CACNA2D2: variants seen among roughly 807,000 people sequenced by gnomAD.
CACNA2D2 encodes the protein voltage-dependent calcium channel subunit alpha-2/delta-2.
A neutral mutation model predicts 166.4 loss-of-function variants in CACNA2D2; 48 were observed. The observed-to-expected ratio is 0.29, with a 90% CI of 0.23 to 0.37. The LOEUF is 0.37. Among genes scored for constraint, CACNA2D2 ranks in the 10% least tolerant of loss-of-function variants. The probability of loss-of-function intolerance (pLI) is 1.00; values close to 1 mark genes in which losing one functional copy is unlikely to be tolerated. For missense variants in CACNA2D2, 1,122 were observed against 1,433.0 expected (o/e 0.78, Z 3.50); for synonymous variants, 561 against 573.7 (o/e 0.98, Z 0.32).
In CACNA2D2 at chr3:50,365,492, C is replaced by G. The variant is rs1704204472; in HGVS notation, c.2972-10G>C. The stretch of plus-strand genomic sequence containing the variant: ...TCGGCCTCCGCGGGGTCTGCGAGGG[C>G]CCAGAGCGCCTCAGCTCCGCCCACA... On this transcript the variant is annotated splice_polypyrimidine_tract_variant and intron_variant, in intron 34 of 37. Transcript: ENST00000424201. The surrounding 1 kb of genome is among the most constrained non-coding windows in gnomAD (Gnocchi z 4.5). 6.2e-7 allele frequency: 1 copy of G among 1,612,640 alleles called. No homozygotes were observed.
intron 3 of CACNA2D2, among the ~76,000 whole-genome samples, chr3:50,423,976 G>A (rs1232720940): frequency 1.3e-5 from 2 of 152,230 alleles, no homozygotes; most frequent in Admixed American, 1.3e-4. Context: ...CCTGCCCCAC[G>A]CAATACCCCC....
intron 3 of CACNA2D2, among the ~76,000 whole-genome samples, chr3:50,417,088 G>A (rs139770410): frequency 1.9e-4 from 29 of 152,286 alleles, no homozygotes; most frequent in Non-Finnish European, 3.5e-4. Flanking sequence ...CCTGAAGCAT[G>A]CCCACATGAG....
intron 2 of CACNA2D2, among the ~76,000 whole-genome samples, chr3:50,468,559 A>G (rs1709933070): frequency 6.6e-6 from 1 of 152,296 alleles, no homozygotes; most frequent in East Asian, 1.9e-4. Flanking sequence ...AAAATCTTCC[A>G]GGCAGAGCAG....
In CACNA2D2 at chr3:50,380,115, G is replaced by A; in HGVS notation, c.843-97C>T. 2 of 1,273,582 alleles carry A rather than the reference G, an allele frequency of 1.6e-6. No homozygotes were observed. Among genetic ancestry groups the A allele is most frequent in the Admixed American group, 1.8e-5 (1 of 55,430 alleles). The allele number at this position is 1,273,582 out of a possible 1,614,324, so 78.9% of individuals were successfully genotyped here. ...TATTGATTCAATACATTTCTCTTGA[G>A]CATGCACTGTGTGGGCCAGGCAGGG... On this transcript the variant is annotated intron_variant, in intron 8 of 37. Coordinates refer to ENST00000424201, the MANE Select transcript of CACNA2D2 (RefSeq NM_006030.4). This position sits in a 1 kb window ranked among gnomAD's most constrained non-coding sequence, Gnocchi z 4.9.
intron 3 of CACNA2D2, among the ~76,000 whole-genome samples, chr3:50,397,547 C>CT (rs1425850052): frequency 1.3e-5 from 2 of 152,186 alleles, no homozygotes; most frequent in East Asian, 1.9e-4. Context: ...CAAAGCTTGA[C>CT]TTTCTTGGAG....
chr3:50,378,822 CA>C, intron 13 of CACNA2D2, 92 bp downstream of exon 13: 2 of 1,459,428 alleles, frequency 1.4e-6, no homozygotes, highest in Non-Finnish European at 1.9e-6. Context: ...CGGGTGAACA[CA>C]CAGCTGGACA....
chr3:50,426,518 A>G (rs1205520367), intron 3 of CACNA2D2, among the ~76,000 whole-genome samples: 2 of 152,208 alleles, frequency 1.3e-5, no homozygotes, highest in African/African-American at 4.8e-5. Context: ...ACATGCCTGC[A>G]GTCAATCCCT....
In CACNA2D2 at chr3:50,378,342, G is replaced by T; in HGVS notation, c.1340-9C>A. 6.4e-7 allele frequency: 1 copy of T among 1,551,548 alleles called. No homozygotes were observed. ...GATCTCAAAATAGTAGCCTGTGAAG[G>T]AAGGAGAGGCAGAGGTGGGCCTGGC... On this transcript the variant is annotated splice_polypyrimidine_tract_variant and intron_variant, in intron 13 of 37. Coordinates refer to ENST00000424201, the MANE Select transcript of CACNA2D2 (RefSeq NM_006030.4).
chr3:50,411,870 A>G (rs958313726), intron 3 of CACNA2D2, among the ~76,000 whole-genome samples: 22 of 152,176 alleles, frequency 1.4e-4, no homozygotes, highest in African/African-American at 5.3e-4. Context: ...GAGGAGCAAC[A>G]TGCCCAGGGT....
chr3:50,493,125 GC>G (rs1220991779), intron 1 of CACNA2D2, among the ~76,000 whole-genome samples: 2 of 151,952 alleles, frequency 1.3e-5, no homozygotes, highest in East Asian at 3.9e-4. Context: ...TTCTTCCTTG[GC>G]CCCAACTCCC....
At chr3:50,382,890 T>C (rs587716907) in intron 6 of CACNA2D2, among the ~76,000 whole-genome samples, 122 of 152,194 alleles carry the variant, frequency 8.0e-4, no homozygotes, top group Non-Finnish European at 1.6e-3. Context: ...CCACACGCGC[T>C]TACCCATACA....
intron 4 of CACNA2D2, among the ~76,000 whole-genome samples, chr3:50,392,600 C>G (rs1451393026): frequency 6.6e-6 from 1 of 152,216 alleles, no homozygotes. Flanking sequence ...ACTGCCTCAT[C>G]TCAGGACAGA....
chr3:50,376,194 G>A lies in CACNA2D2; in HGVS notation c.1627-6C>T, dbSNP rs1300025016. 1 of 1,613,188 alleles carries A rather than the reference G, an allele frequency of 6.2e-7. No individual in the cohort carries two copies. Among genetic ancestry groups the A allele is most frequent in the Admixed American group, 1.7e-5 (1 of 60,010 alleles). On this transcript the variant is annotated splice_region_variant and splice_polypyrimidine_tract_variant and intron_variant, in intron 17 of 37. Transcript: ENST00000424201. The surrounding 1 kb of genome is among the most constrained non-coding windows in gnomAD (Gnocchi z 4.3). ...ACATAGCCGTTGGCTCCAAGCTGGA[G>A]GCACAGATTGGGGGCTCAGGGTCTG...
In CACNA2D2 at chr3:50,379,772, C is replaced by A. The variant is rs769033285; in HGVS notation, c.946G>T (p.Glu316Ter). The change falls in exon 10 of 38, where the codon GAG becomes TAG. Residue 316 changes from glutamate (E) to a stop codon, truncating the protein, a stop_gained. Coordinates refer to ENST00000424201, the MANE Select transcript of CACNA2D2 (RefSeq NM_006030.4). LOFTEE classifies it high-confidence loss of function. This position sits in a 1 kb window ranked among gnomAD's most constrained non-coding sequence, Gnocchi z 6.5. ...TCATCAGACAGCGTGTCCAGCATCTCGCAGACAGATGTCTTCATCAGCTTC... is the reference window on the plus strand; with the variant it reads ...TCATCAGACAGCGTGTCCAGCATCTAGCAGACAGATGTCTTCATCAGCTTC... ...TLKLMKTSVCEMLDTLSDDDY... is the reference protein window; with the variant it reads ...TLKLMKTSVC 1 of 1,613,968 alleles carries A rather than the reference C, an allele frequency of 6.2e-7. No homozygotes were observed. Among genetic ancestry groups the A allele is most frequent in the South Asian group, 1.1e-5 (1 of 91,086 alleles).
At chr3:50,437,134 T>C (rs1395286431) in intron 2 of CACNA2D2, among the ~76,000 whole-genome samples, 1 of 152,200 alleles carries the variant, frequency 6.6e-6, no homozygotes, top group East Asian at 1.9e-4. Context: ...TGCGGCTGCA[T>C]GAGCCCTCGG....
At chr3:50,453,265 T>C (rs1455955682) in intron 2 of CACNA2D2, among the ~76,000 whole-genome samples, 1 of 152,180 alleles carries the variant, frequency 6.6e-6, no homozygotes, top group African/African-American at 2.4e-5. Context: ...GGTGAGTTCA[T>C]CTGTGCCACC....
chr3:50,492,942 G>T (rs915213957), intron 1 of CACNA2D2, among the ~76,000 whole-genome samples: 3 of 152,170 alleles, frequency 2.0e-5, no homozygotes, highest in Non-Finnish European at 4.4e-5. Flanking sequence ...TTATCATTTA[G>T]CCTGGCTAAG....
intron 2 of CACNA2D2, among the ~76,000 whole-genome samples, chr3:50,465,221 G>A (rs940715116): frequency 2.6e-5 from 4 of 152,244 alleles, no homozygotes; most frequent in East Asian, 3.8e-4. Flanking sequence ...GATAGAATAC[G>A]TACAAATTAC....
At position 50,366,733 on chromosome 3, in the gene CACNA2D2, T is replaced by C. The variant is rs2109405450; in HGVS notation, c.2589+98A>G. ...CCATCTGCAGCTGGCCCTGCCTCCA[T>C]GTAGGTGTTGGAGCCACTGAGTGGA... On this transcript the variant is annotated intron_variant, in intron 29 of 37. Transcript: ENST00000424201. This position sits in a 1 kb window ranked among gnomAD's most constrained non-coding sequence, Gnocchi z 5.9. 5.2e-6 allele frequency: 8 copies of C among 1,541,876 alleles called. No individual in the cohort carries two copies. The highest frequency in any genetic ancestry group is 7.1e-6 in the Non-Finnish European group (8 of 1,119,172).
Sources: allele counts gnomAD v4.1 joint callset (sites outside exome capture counted in the v4.1 genomes callset), GRCh38; gene constraint gnomAD v4.1.1; non-coding constraint Gnocchi (gnomAD v3.1); transcripts MANE v1.5; gene names NCBI Gene and HGNC (gene_info 2026-07-23, HGNC 2026-07-21).